The following RPUSD4 variants were observed in gnomAD, a reference collection of about 807,000 sequenced individuals.
RPUSD4 encodes the protein RNA pseudouridine synthase D4.
Under a neutral mutation model 35.4 loss-of-function variants are expected in RPUSD4, and 37 were observed. That is an observed-to-expected ratio of 1.04 (90% CI 0.80 to 1.37). The LOEUF (loss-of-function observed/expected upper bound fraction) is 1.37. Among genes scored for constraint, RPUSD4 ranks in the 40% most tolerant of loss-of-function variants. The pLI, the probability that RPUSD4 is intolerant of heterozygous loss-of-function variation, is 0.00. For missense variants in RPUSD4, 507 were observed against 484.9 expected, an observed-to-expected ratio of 1.05 and a Z score of -0.43; for synonymous variants, 210 against 192.7, an observed-to-expected ratio of 1.09 and a Z score of -0.74.
At position 126,205,860 on chromosome 11, in the gene RPUSD4, C is replaced by CT; in HGVS notation, c.558-80_558-79insA. On this transcript the variant is annotated intron_variant, in intron 3 of 6. Coordinates refer to ENST00000298317, the MANE Select transcript of RPUSD4 (RefSeq NM_032795.3). ...AGATTTGGCCACTTAGAGGATTTCA[C>CT]GCTGGACCTTCTGCACTAACATGTG... is the stretch of plus-strand genomic sequence containing the variant. The CT allele has an allele frequency of 3.8e-6, 4 of 1,059,250 alleles. No homozygotes were observed. The South Asian group carries it at 6.6e-5, about 18-fold the overall frequency. The allele number at this position is 1,059,250 out of a possible 1,614,324, so 65.6% of individuals were successfully genotyped here. A position where few individuals can be genotyped will look rare whatever the true frequency, so the allele number is the denominator to read the frequency against.
intron 3 of RPUSD4, 80 bp from the exon 4 acceptor site, chr11:126,205,861 G>A (rs367661915): frequency 5.7e-6 from 6 of 1,054,672 alleles, no homozygotes; most frequent in African/African-American, 3.2e-5. Flanking sequence ...AGGATTTCAC[G>A]CTGGACCTTC....
At chr11:126,203,711 C>A in intron 6 of RPUSD4, 54 bp from the exon 7 acceptor site, 1 of 1,569,666 alleles carries the variant, frequency 6.4e-7, no homozygotes, top group South Asian at 1.2e-5. Context: ...CCACCCTTGA[C>A]GAACATGCAA....
Position 126,204,291 on chromosome 11 carries a change from T to C in RPUSD4, c.834A>G (p.Gly278=). ...GATCACCAAGGATTGGACAATCCAATCCAAAAGACAAGTGAACTCGAAGCT... is the reference window on the plus strand; with the variant it reads ...GATCACCAAGGATTGGACAATCCAACCCAAAAGACAAGTGAACTCGAAGCT... The part of the protein sequence containing the change: ...KHQLRVHLSF[G]LDCPILGDHK... The change falls in exon 6 of 7, where the codon GGA becomes GGG. Residue 278 remains glycine, a synonymous_variant. Transcript: ENST00000298317. The C allele has an allele frequency of 6.2e-7, 1 of 1,613,430 alleles. No homozygotes were observed. Among genetic ancestry groups the C allele is most frequent in the African/African-American group, 1.3e-5 (1 of 74,928 alleles).
In RPUSD4 at chr11:126,210,645, G is replaced by A. The variant is rs529959361; in HGVS notation, c.355+245C>T. On this transcript the variant is annotated intron_variant, in intron 2 of 6. Transcript: ENST00000298317. ...CACAGCCTTTGTATATCTCTACAGC[G>A]ATCCCTGTAGTCTGCACACAGCGTA... Among the ~76,000 whole-genome samples, 8 of 151,842 alleles carry A rather than the reference G, an allele frequency of 5.3e-5. No homozygotes were observed. The South Asian group carries it at 1.7e-3, about 32-fold the overall frequency.
At chr11:126,210,867 C>CA (rs772222791) in intron 2 of RPUSD4, 23 bp downstream of exon 2, 2 of 1,602,754 alleles carry the variant, frequency 1.2e-6, no homozygotes, top group Non-Finnish European at 1.7e-6. Context: ...CAGGTTCCTC[C>CA]ACCTTTCCCG....
At chr11:126,209,362 A>G in intron 3 of RPUSD4, 159 bp downstream of exon 3, 1 of 634,318 alleles carries the variant, frequency 1.6e-6, no homozygotes, top group Non-Finnish European at 2.8e-6. Context: ...TATCAGACTT[A>G]ATATTCTAAG....
At chr11:126,209,330 C>A in intron 3 of RPUSD4, 191 bp downstream of exon 3, 2 of 567,596 alleles carry the variant, frequency 3.5e-6, no homozygotes, top group East Asian at 3.0e-5. Flanking sequence ...TTGATGTATA[C>A]CAGAATTAAG....
In RPUSD4 at chr11:126,205,335, C is replaced by T. The variant is rs192261245; in HGVS notation, c.796+133G>A. 1.3e-4 allele frequency: 139 copies of T among 1,077,326 alleles called. No individual in the cohort carries two copies. The African/African-American group carries it at 2.0e-3, about 15-fold the overall frequency. The allele number at this position is 1,077,326 out of a possible 1,614,324, so 66.7% of individuals were successfully genotyped here. On this transcript the variant is annotated intron_variant, in intron 5 of 6. Coordinates refer to ENST00000298317, the MANE Select transcript of RPUSD4 (RefSeq NM_032795.3). The stretch of plus-strand genomic sequence containing the variant: ...CCACAACCATCTCTCTGGGAGTCCC[C>T]GGCCTCAGATCAGCACCAGAAGCAC...
intron 1 of RPUSD4, 143 bp downstream of exon 1, chr11:126,211,307 C>T (rs1382775493): frequency 9.7e-7 from 1 of 1,030,890 alleles, no homozygotes. Context: ...TGACCCCTCC[C>T]CTCCGCCTTC....
chr11:126,203,580 G>A lies in RPUSD4; in HGVS notation c.972C>T (p.Ala324=). The change falls in exon 7 of 7, where the codon GCC becomes GCT. Residue 324 remains alanine (A), a synonymous_variant. Coordinates refer to ENST00000298317, the MANE Select transcript of RPUSD4 (RefSeq NM_032795.3). ...KARYIPLHLH[A]RQLILPALGS... ...CCAGGGCAGGCAGGATCAGCTGCCG[G>A]GCGTGCAGGTGAAGGGGGATGTAGC... is the stretch of plus-strand genomic sequence containing the variant. 2 of 1,614,220 alleles carry A rather than the reference G, an allele frequency of 1.2e-6. No homozygotes were observed. Among genetic ancestry groups the A allele is most frequent in the East Asian group, 2.2e-5 (1 of 44,886 alleles).
intron 3 of RPUSD4, chr11:126,206,551 C>T (rs76873333): frequency 0.054 from 8,267 of 152,172 alleles, 364 homozygotes; most frequent in East Asian, 0.17. Flanking sequence ...AGCAAGACTC[C>T]GTCTAAAAAA....
At position 126,203,144 on chromosome 11, in the gene RPUSD4, G is replaced by T; in HGVS notation, c.*274C>A. The T allele has an allele frequency of 9.9e-6, 4 of 402,442 alleles. No individual in the cohort carries two copies. The highest frequency in any genetic ancestry group is 9.1e-6 in the Non-Finnish European group (2 of 219,908). 24.9% of individuals were successfully genotyped at this position (402,442 alleles called of 1,614,324 possible). On this transcript the variant is annotated 3_prime_UTR_variant, in exon 7 of 7. Coordinates refer to ENST00000298317, the MANE Select transcript of RPUSD4 (RefSeq NM_032795.3). ...CTGGCCCTGGGCTCTGTTCCATATT[G>T]GCAATGAGAGCCCACGGCAGGGAGA...
intron 3 of RPUSD4, among the ~76,000 whole-genome samples, chr11:126,208,390 C>T (rs510767): frequency 0.18 from 27,378 of 152,188 alleles, 2,600 homozygotes; most frequent in South Asian, 0.22. Context: ...GTACAAAACT[C>T]TGTGTGAAAT....
In RPUSD4 at chr11:126,205,549, T is replaced by A. The variant is rs143494352; in HGVS notation, c.715A>T (p.Asn239Tyr). The change falls in exon 5 of 7, where the codon AAT (asparagine) becomes TAT (tyrosine). Residue 239 changes from asparagine (N) to tyrosine (Y), a missense_variant. Physicochemically the swap from Asn to Tyr is moderately radical, Grantham distance 143. Coordinates refer to ENST00000298317, the MANE Select transcript of RPUSD4 (RefSeq NM_032795.3). ...TACTGAGTTACAGCAACTTGCGCATTCCGGCTGCGCCGCACTTTCACCATT... is the reference window on the plus strand; with the variant it reads ...TACTGAGTTACAGCAACTTGCGCATACCGGCTGCGCCGCACTTTCACCATT... ...GKMVKVRRSR[N>Y]AQVAVTQYQV... 8.9e-5 allele frequency: 143 copies of A among 1,614,246 alleles called. No homozygotes were observed. In the African/African-American group the frequency reaches 1.8e-3, roughly 20 times the overall value.
rs781004967 is a variant in RPUSD4 at position 126,210,927 on chromosome 11, A to C, written c.318T>G (p.Leu106=). 3.1e-6 allele frequency: 5 copies of C among 1,614,076 alleles called. No individual in the cohort carries two copies. The highest frequency in any genetic ancestry group is 4.2e-6 in the Non-Finnish European group (5 of 1,180,014). ...GACCGTAGGGCTTATTGATGACCAC[A>C]AGGTTCTTGTCCTGGTGGAGAATTC... is the stretch of plus-strand genomic sequence containing the variant. ...TRGILHQDKN[L]VVINKPYGLP... Residue 106 remains leucine, a synonymous_variant, in exon 2 of 7, where the codon CTT becomes CTG. Coordinates refer to ENST00000298317, the MANE Select transcript of RPUSD4 (RefSeq NM_032795.3).
chr11:126,210,268 C>A (rs556975183), intron 2 of RPUSD4, among the ~76,000 whole-genome samples: 12 of 152,290 alleles, frequency 7.9e-5, no homozygotes, highest in African/African-American at 9.6e-5. Context: ...AAAAATTATA[C>A]AAACACTTGG....
chr11:126,209,416 A>G, intron 3 of RPUSD4, 105 bp downstream of exon 3: 2 of 903,292 alleles, frequency 2.2e-6, no homozygotes, highest in Non-Finnish European at 1.7e-6. Flanking sequence ...CGCAGGTCAT[A>G]GTGCAGTGCC....
intron 6 of RPUSD4, 116 bp from the exon 7 acceptor site, chr11:126,203,773 C>T: frequency 7.5e-7 from 1 of 1,324,842 alleles, no homozygotes. Flanking sequence ...CTGGAAGACA[C>T]AGTAATGGAG....
At chr11:126,211,227 G>C in intron 1 of RPUSD4, 172 bp from the exon 2 acceptor site, 1 of 931,402 alleles carries the variant, frequency 1.1e-6, no homozygotes, top group Non-Finnish European at 1.6e-6. Context: ...CCTGCGTACC[G>C]ACGCAGTGGT....
Sources: allele counts gnomAD v4.1 joint callset (sites outside exome capture counted in the v4.1 genomes callset), GRCh38; gene constraint gnomAD v4.1.1; transcripts MANE v1.5; gene names NCBI Gene and HGNC (gene_info 2026-07-23, HGNC 2026-07-21).